NAA35: variants seen among roughly 807,000 people sequenced by gnomAD.
NAA35 encodes MAK10 homolog, amino-acid N-acetyltransferase subunit.
In NAA35, 18 loss-of-function variants were observed where a neutral mutation model predicts 101.7. The ratio of observed to expected loss-of-function variants is 0.18; its 90% CI spans 0.12 to 0.26. The LOEUF is 0.26. NAA35 is among the 10% of genes least tolerant of loss of function. The pLI, the probability that NAA35 is intolerant of heterozygous loss-of-function variation, is 1.00. For missense variants in NAA35, 601 were observed against 886.8 expected, an observed-to-expected ratio of 0.68 and a Z score of 4.09; for synonymous variants, 267 against 273.1, an observed-to-expected ratio of 0.98 and a Z score of 0.22.
At chr9:85,986,548 C>G (rs993442360) in intron 11 of NAA35, 17 of 419,826 alleles carry the variant, frequency 4.0e-5, no homozygotes, top group African/African-American at 3.3e-4. Flanking sequence ...AAGGAGTACT[C>G]TAAGCTTGTT....
chr9:85,958,236 C>T (rs564983119), intron 3 of NAA35, among the ~76,000 whole-genome samples: 7 of 152,226 alleles, frequency 4.6e-5, no homozygotes, highest in South Asian at 2.1e-4. Flanking sequence ...CCACCACACC[C>T]GGCAGAAATC....
rs995104554 is a variant in NAA35, at chr9:85,956,981, A to G, written c.158+588A>G. Among the ~76,000 whole-genome samples, 14 of 152,110 alleles carry G rather than the reference A, an allele frequency of 9.2e-5. No homozygotes were observed. In the East Asian group the frequency reaches 2.7e-3, roughly 29 times the overall value. On this transcript the variant is annotated intron_variant, in intron 3 of 22. Coordinates refer to ENST00000361671, the MANE Select transcript of NAA35 (RefSeq NM_024635.4). The stretch of plus-strand genomic sequence containing the variant: ...TGGCAGAGGAGGACGCAAGAGAGAG[A>G]ACCCGAGGAAGTCAGAGTCTTTAAA...
At chr9:85,984,971 C>T (rs1316357645) in intron 11 of NAA35, among the ~76,000 whole-genome samples, 1 of 152,002 alleles carries the variant, frequency 6.6e-6, no homozygotes, top group Non-Finnish European at 1.5e-5. Context: ...AAAAAGCAAA[C>T]CTGCATAAAA....
At chr9:85,941,726 C>T (rs1030462485) in intron 1 of NAA35, 1 of 987,022 alleles carries the variant, frequency 1.0e-6, no homozygotes, top group African/African-American at 1.7e-5. Context: ...TCCCAGCGAG[C>T]TCTGGCCAGA....
intron 14 of NAA35, among the ~76,000 whole-genome samples, chr9:86,008,991 T>C (rs1380181082): frequency 6.6e-6 from 1 of 152,092 alleles, no homozygotes; most frequent in Non-Finnish European, 1.5e-5. Context: ...TTAGAGCTCC[T>C]AGCATACTAG....
At chr9:85,985,091 A>G (rs916621118) in intron 11 of NAA35, among the ~76,000 whole-genome samples, 3 of 152,260 alleles carry the variant, frequency 2.0e-5, no homozygotes, top group Non-Finnish European at 2.9e-5. Context: ...ATGCAAATCA[A>G]AATGAAAAGT....
chr9:85,983,271 G>A (rs1830507438), intron 11 of NAA35, among the ~76,000 whole-genome samples: 1 of 152,108 alleles, frequency 6.6e-6, no homozygotes, highest in South Asian at 2.1e-4. Flanking sequence ...CGCTCCACTC[G>A]GCCTTCAGAA....
intron 11 of NAA35, among the ~76,000 whole-genome samples, chr9:85,983,763 A>G (rs1325605399): frequency 1.3e-5 from 2 of 152,144 alleles, no homozygotes; most frequent in Non-Finnish European, 2.9e-5. Context: ...ATGTATACCT[A>G]TGTAACAAAC....
At chr9:85,952,939 G>A (rs1829083468) in intron 2 of NAA35, among the ~76,000 whole-genome samples, 1 of 152,176 alleles carries the variant, frequency 6.6e-6, no homozygotes, top group African/African-American at 2.4e-5. Context: ...GGCCAGGCGT[G>A]ATGGCTCATG....
intron 11 of NAA35, chr9:85,986,745 C>G: frequency 3.7e-6 from 1 of 272,642 alleles, no homozygotes; most frequent in South Asian, 3.2e-5. Context: ...TCACCATGCC[C>G]GGCTAACTTT....
rs773786984 is a variant in NAA35 at position 86,024,630 on chromosome 9, G to T, written c.*2670G>T. On this transcript the variant is annotated 3_prime_UTR_variant, in exon 23 of 23. Coordinates refer to ENST00000361671, the MANE Select transcript of NAA35 (RefSeq NM_024635.4). ...GTACAGCTAATGGGACATGGTGAAT[G>T]AGAGTTTCTGCCAAAATCAAGGATG... 1.3e-5 allele frequency among the ~76,000 whole-genome samples: 2 copies of T among 152,172 alleles called. No individual in the cohort carries two copies. The highest frequency in any genetic ancestry group is 4.8e-5 in the African/African-American group (2 of 41,438).
At chr9:85,990,278 T>G (rs1434434952) in intron 11 of NAA35, among the ~76,000 whole-genome samples, 1 of 152,366 alleles carries the variant, frequency 6.6e-6, no homozygotes, top group East Asian at 1.9e-4. Context: ...TTAATCTGTT[T>G]AGGAGACATC....
intron 6 of NAA35, among the ~76,000 whole-genome samples, chr9:85,962,899 T>G (rs1389111285): frequency 2.0e-5 from 3 of 152,210 alleles, no homozygotes; most frequent in Non-Finnish European, 2.9e-5. Flanking sequence ...TAGTTTGTCC[T>G]AAGTACCTCA....
At chr9:85,966,021 C>G (rs1188848449) in intron 6 of NAA35, among the ~76,000 whole-genome samples, 2 of 152,166 alleles carry the variant, frequency 1.3e-5, no homozygotes, top group Non-Finnish European at 2.9e-5. Flanking sequence ...TCACTGGTAG[C>G]CTTGAACTCC....
rs557607153 is a variant in NAA35 at position 85,991,901 on chromosome 9, G to A, written c.878-4498G>A. ...TCTAAAAGAGGTGGATGGGCCGGGC[G>A]TGGTGGCTCACACCTGTAATCCCAG... On this transcript the variant is annotated intron_variant, in intron 11 of 22. Transcript: ENST00000361671. Among the ~76,000 whole-genome samples, 43 of 152,184 alleles carry A rather than the reference G, an allele frequency of 2.8e-4. No homozygotes were observed. In the South Asian group the frequency reaches 5.2e-3, roughly 18 times the overall value.
In NAA35 at chr9:85,974,505, T is replaced by C. The variant is rs116167105; in HGVS notation, c.517-462T>C. On this transcript the variant is annotated intron_variant, in intron 6 of 22. Transcript: ENST00000361671. ...GGACTATAGTGGAACATGGTTTTAC[T>C]CTCACTTTGAATAATTCTGTTTGAG... 5.2e-3 allele frequency among the ~76,000 whole-genome samples: 792 copies of C among 152,310 alleles called. 4 individuals are homozygous for C. Among genetic ancestry groups the C allele is most frequent in the African/African-American group, 0.018 (756 of 41,562 alleles).
rs562740019 is a variant in NAA35, at chr9:86,003,004, GTCAATA to G, written c.1057-580_1057-575del. On this transcript the variant is annotated intron_variant, in intron 12 of 22. Coordinates refer to ENST00000361671, the MANE Select transcript of NAA35 (RefSeq NM_024635.4). ...TTAACTGCAGTGTAGATTGAGTACA[GTCAATA>G]GACTTCTTTTCTGGATGTTTTCACT... Among the ~76,000 whole-genome samples, 253 of 149,744 alleles carry G rather than the reference GTCAATA, an allele frequency of 1.7e-3. 2 individuals are homozygous for G. Among genetic ancestry groups the G allele is most frequent in the African/African-American group, 6.0e-3 (243 of 40,628 alleles).
At position 86,023,858 on chromosome 9, in the gene NAA35, T is replaced by C. The variant is rs538715865; in HGVS notation, c.*1898T>C. Among the ~76,000 whole-genome samples the C allele has an allele frequency of 6.6e-6, 1 of 152,372 alleles. No individual in the cohort carries two copies. The highest frequency in any genetic ancestry group is 2.1e-4 in the South Asian group (1 of 4,834). ...TTAAGTAGCTTTAATTTTTGGTTTT[T>C]AGTTTGTTTAGAGAGGAGGTTTCAC... On this transcript the variant is annotated 3_prime_UTR_variant, in exon 23 of 23. Transcript: ENST00000361671.
chr9:85,964,420 A>G (rs952131664), intron 6 of NAA35, among the ~76,000 whole-genome samples: 1 of 152,200 alleles, frequency 6.6e-6, no homozygotes, highest in Non-Finnish European at 1.5e-5. Context: ...CTGCAGAACC[A>G]CAACACAATT....
Sources: gnomAD v4.1 joint callset for allele counts (sites outside exome capture counted in the v4.1 genomes callset) on GRCh38, gnomAD v4.1.1 for gene constraint, MANE v1.5 for transcripts, NCBI Gene and HGNC (gene_info 2026-07-23, HGNC 2026-07-21) for gene names.